Variants in SERINC5 observed in about 807,000 individuals in gnomAD.
SERINC5 encodes the protein chromosome 5 open reading frame 12.
In SERINC5, 41 loss-of-function variants were observed where a neutral mutation model predicts 63.1. The ratio of observed to expected loss-of-function variants is 0.65; its 90% CI spans 0.51 to 0.84. The LOEUF is 0.84. Among genes scored for constraint, SERINC5 ranks in the 40% least tolerant of loss-of-function variants. SERINC5 has a pLI of 0.00. For missense variants in SERINC5, 523 were observed against 573.0 expected, an observed-to-expected ratio of 0.91 and a Z score of 0.89; for synonymous variants, 222 against 215.2, an observed-to-expected ratio of 1.03 and a Z score of -0.28.
Position 80,139,626 on chromosome 5 carries a change from T to G in SERINC5, c.*4037A>C, listed in dbSNP as rs2112278965. The G allele has an allele frequency of 1.5e-6, 1 of 676,644 alleles. No homozygotes were observed. The highest frequency in any genetic ancestry group is 3.1e-5 in the African/African-American group (1 of 32,098). The allele number at this position is 676,644 out of a possible 1,614,324, so 41.9% of individuals were successfully genotyped here. On this transcript the variant is annotated 3_prime_UTR_variant, in exon 12 of 12. Coordinates refer to ENST00000507668, the MANE Select transcript of SERINC5 (RefSeq NM_001174072.3). ...AGAGAGAGAGAAAGGTCTAAACATC[T>G]GTGTGAACAGCTCTCCAGTACTGTG...
intron 1 of SERINC5, among the ~76,000 whole-genome samples, chr5:80,252,058 CTTTTT>C (rs3038416): frequency 0.015 from 1,600 of 103,470 alleles, 22 homozygotes; most frequent in African/African-American, 0.052. Context: ...TTTTCTTTTC[CTTTTT>C]TTTTTTTTTT....
intron 1 of SERINC5, among the ~76,000 whole-genome samples, chr5:80,216,985 T>C (rs1311611849): frequency 6.6e-6 from 1 of 152,156 alleles, no homozygotes; most frequent in African/African-American, 2.4e-5. Flanking sequence ...CACTTCAGCC[T>C]GGGCAACAGA....
chr5:80,199,208 G>A (rs921807760), intron 2 of SERINC5, among the ~76,000 whole-genome samples: 5 of 152,132 alleles, frequency 3.3e-5, no homozygotes, highest in African/African-American at 9.6e-5. Flanking sequence ...ACACAGCCTC[G>A]TAGCTAAGAA....
intron 11 of SERINC5, among the ~76,000 whole-genome samples, chr5:80,132,236 T>A (rs1211451726): frequency 1.3e-5 from 2 of 152,148 alleles, no homozygotes; most frequent in African/African-American, 4.8e-5. Flanking sequence ...AGAGATGAAC[T>A]AAATAGCACG....
At chr5:80,223,700 G>A (rs947073124) in intron 1 of SERINC5, among the ~76,000 whole-genome samples, 2 of 152,100 alleles carry the variant, frequency 1.3e-5, no homozygotes, top group African/African-American at 2.4e-5. Flanking sequence ...AGTACCCTAC[G>A]CATCCAGAAT....
chr5:80,253,118 C>G, intron 1 of SERINC5, among the ~76,000 whole-genome samples: 1 of 152,270 alleles, frequency 6.6e-6, no homozygotes, highest in Admixed American at 6.5e-5. Flanking sequence ...GGCCAGAAAC[C>G]GAGCCTGTCT....
At chr5:80,150,787 CG>C in intron 9 of SERINC5, 94 bp downstream of exon 9, 1 of 882,112 alleles carries the variant, frequency 1.1e-6, no homozygotes, top group South Asian at 1.3e-5. Context: ...AACAGGATCA[CG>C]GAATGCAGAC....
chr5:80,230,308 T>C (rs1320910134), intron 1 of SERINC5, among the ~76,000 whole-genome samples: 1 of 151,846 alleles, frequency 6.6e-6, no homozygotes, highest in Non-Finnish European at 1.5e-5. Context: ...CTGACTCTAC[T>C]AAAAATACAG....
chr5:80,135,507 G>A (rs540299594), downstream of SERINC5, among the ~76,000 whole-genome samples: 1 of 152,276 alleles, frequency 6.6e-6, no homozygotes, highest in African/African-American at 2.4e-5. Flanking sequence ...ACAATGTGAG[G>A]AGGAAAAAGA....
chr5:80,115,397 C>T (rs943236453), intron 11 of SERINC5, among the ~76,000 whole-genome samples: 1 of 152,040 alleles, frequency 6.6e-6, no homozygotes, highest in Non-Finnish European at 1.5e-5. Context: ...TCCTCATTTA[C>T]TGTAGTTGCT....
chr5:80,136,314 A>G (rs779720562), downstream of SERINC5, among the ~76,000 whole-genome samples: 67 of 152,264 alleles, frequency 4.4e-4, no homozygotes, highest in African/African-American at 1.5e-3. Flanking sequence ...TAATTCTCAT[A>G]TATCAGGACA....
chr5:80,122,268 T>C (rs1744579351), intron 11 of SERINC5, among the ~76,000 whole-genome samples: 1 of 150,908 alleles, frequency 6.6e-6, no homozygotes, highest in Admixed American at 6.6e-5. Context: ...CAATAGGCCA[T>C]CTGCAGGCCG....
intron 1 of SERINC5, among the ~76,000 whole-genome samples, chr5:80,210,534 C>A (rs1422895462): frequency 6.6e-6 from 1 of 152,184 alleles, no homozygotes; most frequent in Non-Finnish European, 1.5e-5. Context: ...CCAAGTACTA[C>A]TTCTGTTAAA....
intron 9 of SERINC5, 99 bp from the exon 10 acceptor site, chr5:80,147,383 T>TGAATTGCCCG: frequency 1.6e-6 from 2 of 1,254,288 alleles, no homozygotes; most frequent in African/African-American, 3.0e-5. Context: ...TCCCAGGCCC[T>TGAATTGCCCG]TCAAAAGATG....
At chr5:80,164,908 C>CTTTTT (rs1747171665) in intron 7 of SERINC5, among the ~76,000 whole-genome samples, 40 of 89,966 alleles carry the variant, frequency 4.4e-4, no homozygotes, top group African/African-American at 2.0e-3. Context: ...AACTTTTTTT[C>CTTTTT]TGTTTTTTTT....
downstream of SERINC5, among the ~76,000 whole-genome samples, chr5:80,138,448 T>C (rs1181393833): frequency 6.6e-6 from 1 of 151,884 alleles, no homozygotes; most frequent in Admixed American, 6.6e-5. Flanking sequence ...ATACAAAAAT[T>C]ACCTGGGCAT....
chr5:80,169,021 T>C (rs926153141), intron 6 of SERINC5, among the ~76,000 whole-genome samples: 6 of 152,210 alleles, frequency 3.9e-5, no homozygotes, highest in Non-Finnish European at 8.8e-5. Flanking sequence ...AAACACCTGA[T>C]CTTGATATAC....
intron 2 of SERINC5, among the ~76,000 whole-genome samples, chr5:80,189,387 G>T (rs574186186): frequency 6.6e-6 from 1 of 152,306 alleles, no homozygotes; most frequent in African/African-American, 2.4e-5. Context: ...AAGCCGGGAA[G>T]AGAGTGAATA....
At chr5:80,247,768 G>T (rs1301352202) in intron 1 of SERINC5, among the ~76,000 whole-genome samples, 1 of 152,178 alleles carries the variant, frequency 6.6e-6, no homozygotes, top group African/African-American at 2.4e-5. Flanking sequence ...TGTGTTCCAA[G>T]ATCCCCAGTG....
Sources: gnomAD v4.1 joint callset for allele counts (sites outside exome capture counted in the v4.1 genomes callset) on GRCh38, gnomAD v4.1.1 for gene constraint, MANE v1.5 for transcripts, NCBI Gene and HGNC (gene_info 2026-07-23, HGNC 2026-07-21) for gene names.